CNTN4: variants seen among roughly 807,000 people sequenced by gnomAD.
CNTN4 encodes contactin-4.
A neutral mutation model predicts 122.5 loss-of-function variants in CNTN4; 77 were observed. That is an observed-to-expected ratio of 0.63 (90% CI 0.52 to 0.76). The LOEUF is 0.76. CNTN4 is among the 30% of genes least tolerant of loss of function. The probability of loss-of-function intolerance (pLI) is 0.00; values close to 1 mark genes in which losing one functional copy is unlikely to be tolerated. For synonymous variants in CNTN4, 512 were observed against 447.0 expected (o/e 1.15, Z -1.83); for missense variants, 1,256 against 1,259.1 (o/e 1.00, Z 0.04).
At chr3:2,421,564 T>C (rs2047618801) in intron 3 of CNTN4, among the ~76,000 whole-genome samples, 1 of 152,150 alleles carries the variant, frequency 6.6e-6, no homozygotes, top group South Asian at 2.1e-4. Context: ...AGCCTTCATA[T>C]TGTTTATCTT....
chr3:2,136,572 G>A (rs1225493692), intron 2 of CNTN4, among the ~76,000 whole-genome samples: 1 of 152,032 alleles, frequency 6.6e-6, no homozygotes, highest in Non-Finnish European at 1.5e-5. Flanking sequence ...CTCTGGTAAT[G>A]CTTGGTTTAA....
intron 4 of CNTN4, among the ~76,000 whole-genome samples, chr3:2,664,694 G>A (rs992789349): frequency 6.6e-6 from 1 of 152,072 alleles, no homozygotes; most frequent in Non-Finnish European, 1.5e-5. Flanking sequence ...TATTCTCCAG[G>A]TTTTCTTGGA....
chr3:2,207,024 T>C (rs1004109831), intron 2 of CNTN4, among the ~76,000 whole-genome samples: 5 of 133,922 alleles, frequency 3.7e-5, no homozygotes, highest in African/African-American at 1.3e-4. Flanking sequence ...GACTTTCTTC[T>C]TATTATTATA....
intron 7 of CNTN4, among the ~76,000 whole-genome samples, chr3:2,827,551 G>A (rs553506815): frequency 5.9e-5 from 9 of 152,120 alleles, no homozygotes; most frequent in South Asian, 4.2e-4. Flanking sequence ...GATACTTTTC[G>A]GATATATCTC....
chr3:2,986,202 G>A (rs143017399), intron 13 of CNTN4, among the ~76,000 whole-genome samples: 355 of 152,050 alleles, frequency 2.3e-3, no homozygotes, highest in African/African-American at 3.8e-3. Flanking sequence ...GGCATGAGCC[G>A]CCACACCCAG....
Position 2,329,890 on chromosome 3 carries a change from T to G in CNTN4, c.-144-9288T>G, listed in dbSNP as rs1006069999. ...ACTTACACTAAACATGCCACACTTTTTGACCAGATGTGTGGGTTTTGATTT... is the reference window on the plus strand; with the variant it reads ...ACTTACACTAAACATGCCACACTTTGTGACCAGATGTGTGGGTTTTGATTT... On this transcript the variant is annotated intron_variant, in intron 2 of 24. Transcript: ENST00000418658. 5.3e-5 allele frequency among the ~76,000 whole-genome samples: 8 copies of G among 152,334 alleles called. 1 individual carries two copies. In the South Asian group the frequency reaches 1.4e-3, roughly 28 times the overall value.
chr3:2,480,562 AT>A (rs763633426), intron 3 of CNTN4, among the ~76,000 whole-genome samples: 1 of 152,236 alleles, frequency 6.6e-6, no homozygotes, highest in Non-Finnish European at 1.5e-5. Context: ...ATTTCACAAA[AT>A]ATGTACGAGG....
chr3:2,277,706 C>G (rs192009505), intron 2 of CNTN4, among the ~76,000 whole-genome samples: 4 of 152,244 alleles, frequency 2.6e-5, no homozygotes, highest in African/African-American at 9.6e-5. Flanking sequence ...TTTTGCTCTT[C>G]TCTTCCTCCT....
intron 8 of CNTN4, among the ~76,000 whole-genome samples, chr3:2,880,313 G>T (rs73112774): frequency 2.2e-3 from 336 of 152,284 alleles, no homozygotes; most frequent in African/African-American, 6.4e-3. Flanking sequence ...TACACTGCAA[G>T]GCAGGCTGTC....
intron 14 of CNTN4, among the ~76,000 whole-genome samples, chr3:2,993,679 T>C (rs1430993436): frequency 6.6e-6 from 1 of 152,184 alleles, no homozygotes; most frequent in African/African-American, 2.4e-5. Flanking sequence ...TACTAGTAAG[T>C]CCTTCACAGA....
At chr3:2,303,113 C>T (rs1474282716) in intron 2 of CNTN4, among the ~76,000 whole-genome samples, 3 of 152,134 alleles carry the variant, frequency 2.0e-5, no homozygotes, top group African/African-American at 7.2e-5. Context: ...GGTGCTGGCA[C>T]TTAGAAAAGT....
intron 7 of CNTN4, among the ~76,000 whole-genome samples, chr3:2,827,123 C>T (rs1046098492): frequency 6.6e-6 from 1 of 152,164 alleles, no homozygotes; most frequent in Non-Finnish European, 1.5e-5. Flanking sequence ...CTGGCTGGGT[C>T]CTAGGTTTGT....
At chr3:2,851,715 G>C (rs1416113613) in intron 7 of CNTN4, among the ~76,000 whole-genome samples, 1 of 152,126 alleles carries the variant, frequency 6.6e-6, no homozygotes, top group Non-Finnish European at 1.5e-5. Flanking sequence ...AAGTGATTTG[G>C]CCAAGATCAC....
At chr3:2,949,680 G>T (rs1365028781) in intron 13 of CNTN4, among the ~76,000 whole-genome samples, 1 of 152,154 alleles carries the variant, frequency 6.6e-6, no homozygotes, top group African/African-American at 2.4e-5. Context: ...GCTACTACTG[G>T]TTGCTGTCCT....
intron 4 of CNTN4, among the ~76,000 whole-genome samples, chr3:2,580,424 G>T (rs1033477219): frequency 3.9e-5 from 6 of 152,132 alleles, no homozygotes; most frequent in African/African-American, 1.4e-4. Flanking sequence ...GGTTCAAAAT[G>T]ATAACTTTGT....
intron 2 of CNTN4, among the ~76,000 whole-genome samples, chr3:2,145,637 A>C (rs2035208247): frequency 6.6e-6 from 1 of 152,240 alleles, no homozygotes; most frequent in Non-Finnish European, 1.5e-5. Flanking sequence ...CATTCAGTTT[A>C]ATTATGAAAT....
Position 2,841,152 on chromosome 3 carries a change from C to G in CNTN4, c.454+21571C>G, listed in dbSNP as rs1454146340. Among the ~76,000 whole-genome samples, 1 of 152,180 alleles carries G rather than the reference C, an allele frequency of 6.6e-6. No homozygotes were observed. Among genetic ancestry groups the G allele is most frequent in the African/African-American group, 2.4e-5 (1 of 41,436 alleles). On this transcript the variant is annotated intron_variant, in intron 7 of 24. Transcript: ENST00000418658. The surrounding 1 kb of genome is among the most constrained non-coding windows in gnomAD (Gnocchi z 4.8). ...GATAATCTGAGGGTTAATGCTAACTCTCATAGAATTTAAGTCAAAATATCT... is the reference window on the plus strand; with the variant it reads ...GATAATCTGAGGGTTAATGCTAACTGTCATAGAATTTAAGTCAAAATATCT...
chr3:2,100,507 C>T (rs2031842111), intron 1 of CNTN4, 51 bp from the exon 2 acceptor site: 1 of 152,136 alleles, frequency 6.6e-6, no homozygotes, highest in East Asian at 1.9e-4. Flanking sequence ...ATAGCGTTCC[C>T]AAGTCTGCCT....
At chr3:2,260,305 C>T (rs566434794) in intron 2 of CNTN4, among the ~76,000 whole-genome samples, 1 of 152,164 alleles carries the variant, frequency 6.6e-6, no homozygotes, top group East Asian at 1.9e-4. Flanking sequence ...TGTAGCACCA[C>T]CCGAGTTGTG....
Sources: allele counts gnomAD v4.1 joint callset (sites outside exome capture counted in the v4.1 genomes callset), GRCh38; gene constraint gnomAD v4.1.1; non-coding constraint Gnocchi (gnomAD v3.1); transcripts MANE v1.5; gene names NCBI Gene and HGNC (gene_info 2026-07-23, HGNC 2026-07-21).